CRYBG3: variants seen among roughly 807,000 people sequenced by gnomAD.
CRYBG3 encodes the protein very large A-kinase anchor protein.
CRYBG3 carries 127 observed loss-of-function variants against 244.2 expected under a neutral mutation model. The ratio of observed to expected loss-of-function variants is 0.52; its 90% CI spans 0.45 to 0.60. The LOEUF is 0.60. CRYBG3 is among the 20% of genes least tolerant of loss of function. The probability of loss-of-function intolerance (pLI) is 0.00; values close to 1 mark genes in which losing one functional copy is unlikely to be tolerated. For synonymous variants in CRYBG3, 1,132 were observed against 1,195.8 expected (o/e 0.95, Z 1.10); for missense variants, 3,325 against 3,442.5 (o/e 0.97, Z 0.85).
chr3:97,868,855 C>CT (rs1481228967), intron 3 of CRYBG3, among the ~76,000 whole-genome samples: 9 of 152,118 alleles, frequency 5.9e-5, no homozygotes. Context: ...ATTTACTATA[C>CT]TAGAATGAAT....
In CRYBG3 at chr3:97,876,464, C is replaced by G; in HGVS notation, c.5270C>G (p.Pro1757Arg). 2.4e-6 allele frequency: 3 copies of G among 1,231,864 alleles called. No individual in the cohort carries two copies. The highest frequency in any genetic ancestry group is 3.1e-4 in the Middle Eastern group (1 of 3,208). The allele number at this position is 1,231,864 out of a possible 1,614,324, so 76.3% of individuals were successfully genotyped here. A position where few individuals can be genotyped will look rare whatever the true frequency, so the allele number is the denominator to read the frequency against. ...ERDGGKTEVM[P>R]LALEVVNTYQ... Reference sequence around the variant, plus strand: ...GACGGTGGCAAAACTGAGGTGATGCCCCTTGCATTAGAGGTAGTAAATACT... The same window carrying G: ...GACGGTGGCAAAACTGAGGTGATGCGCCTTGCATTAGAGGTAGTAAATACT... Residue 1757 changes from proline to arginine, a missense_variant, in exon 4 of 22, where the codon CCC (proline) becomes CGC (arginine). By Grantham distance (103) the Pro-to-Arg change is moderately radical. Coordinates refer to ENST00000389622, the MANE Select transcript of CRYBG3 (RefSeq NM_153605.4).
At chr3:97,841,189 T>C (rs1002346109) in intron 1 of CRYBG3, among the ~76,000 whole-genome samples, 2 of 150,334 alleles carry the variant, frequency 1.3e-5, no homozygotes, top group African/African-American at 4.9e-5. Flanking sequence ...AGCTCATATA[T>C]GTGTGTATAT....
chr3:97,914,299 G>C (rs899126362), intron 16 of CRYBG3, among the ~76,000 whole-genome samples: 1 of 152,050 alleles, frequency 6.6e-6, no homozygotes, highest in Non-Finnish European at 1.5e-5. Context: ...AAATAATTTT[G>C]TTACTATTAT....
intron 3 of CRYBG3, among the ~76,000 whole-genome samples, chr3:97,865,242 A>G (rs953625110): frequency 5.9e-5 from 9 of 152,164 alleles, no homozygotes; most frequent in Admixed American, 4.6e-4. Flanking sequence ...TGTTTATAAC[A>G]TTGTTGAGTC....
In CRYBG3 at chr3:97,864,501, CA is replaced by C; in HGVS notation, c.505del (p.Arg169GlyfsTer10). On this transcript the variant is annotated frameshift_variant, in exon 3 of 22. Transcript: ENST00000389622. LOFTEE classifies it high-confidence loss of function. ...NPSDHHEDGI[K>X]REREIFSGSL... is the part of the protein sequence containing the mutation. ...CCAGTGACCATCATGAAGACGGGAT[CA>C]AAAGGGAGAGAGAGATTTTCAGTGG... 10 of 1,535,862 alleles carry C rather than the reference CA, an allele frequency of 6.5e-6. No individual in the cohort carries two copies. Among genetic ancestry groups the C allele is most frequent in the Non-Finnish European group, 8.7e-6 (10 of 1,146,796 alleles).
chr3:97,843,148 G>A lies in CRYBG3; in HGVS notation c.150-47G>A, dbSNP rs779865272. ...TTAAATACAGAAAACTTTTAGTTTC[G>A]TAATTTTCTTTTAATTTCAAAAGAA... On this transcript the variant is annotated intron_variant, in intron 1 of 21. Coordinates refer to ENST00000389622, the MANE Select transcript of CRYBG3 (RefSeq NM_153605.4). 144 of 1,267,180 alleles carry A rather than the reference G, an allele frequency of 1.1e-4. 2 individuals carry two copies. In the South Asian group the frequency reaches 1.3e-3, roughly 12 times the overall value. 78.5% of individuals were successfully genotyped at this position (1,267,180 alleles called of 1,614,324 possible).
At chr3:97,833,433 A>T (rs567290323) in intron 1 of CRYBG3, among the ~76,000 whole-genome samples, 31 of 152,276 alleles carry the variant, frequency 2.0e-4, no homozygotes, top group South Asian at 1.0e-3. Context: ...GAAGCTAGAA[A>T]CCATCATTCT....
intron 17 of CRYBG3, among the ~76,000 whole-genome samples, chr3:97,926,216 C>T (rs971983530): frequency 2.0e-5 from 3 of 152,002 alleles, no homozygotes; most frequent in African/African-American, 7.2e-5. Context: ...AAAAGTTAAT[C>T]CACCACAATC....
intron 18 of CRYBG3, among the ~76,000 whole-genome samples, 180 bp from the exon 19 acceptor site, chr3:97,936,605 A>C (rs1160988374): frequency 6.6e-6 from 1 of 152,092 alleles, no homozygotes; most frequent in African/African-American, 2.4e-5. Flanking sequence ...AAATCTTCTG[A>C]GTCTAGGCCA....
chr3:97,941,255 T>A lies in CRYBG3; in HGVS notation c.8613T>A (p.Ser2871Arg), dbSNP rs1432065515. Reference sequence around the variant, plus strand: ...CATCTGTGTGCATTTCTCCCTATAGTGGAAAGAATACTCAGATCTGGTACT... The same window carrying A: ...CATCTGTGTGCATTTCTCCCTATAGAGGAAAGAATACTCAGATCTGGTACT... ...RATSVCISPY[S>R]GKNTQIWYYC... The change falls in exon 20 of 22, where the codon AGT (serine) becomes AGA (arginine). Residue 2871 changes from serine (S) to arginine (R), a missense_variant. Coordinates refer to ENST00000389622, the MANE Select transcript of CRYBG3 (RefSeq NM_153605.4). 1.9e-6 allele frequency: 3 copies of A among 1,611,132 alleles called. No homozygotes were observed. Among genetic ancestry groups the A allele is most frequent in the Non-Finnish European group, 2.5e-6 (3 of 1,178,006 alleles).
At chr3:97,899,854 A>G (rs1373210431) in intron 14 of CRYBG3, among the ~76,000 whole-genome samples, 1 of 152,194 alleles carries the variant, frequency 6.6e-6, no homozygotes, top group Non-Finnish European at 1.5e-5. Context: ...ACCCTGTAGA[A>G]CAATAAGAGT....
chr3:97,834,821 CACTT>C (rs1294557865), intron 1 of CRYBG3, among the ~76,000 whole-genome samples: 4 of 152,096 alleles, frequency 2.6e-5, no homozygotes, highest in Admixed American at 2.0e-4. Flanking sequence ...TTTTTGCACT[CACTT>C]GTTTTTGCTT....
chr3:97,874,791 G>T lies in CRYBG3; in HGVS notation c.3597G>T (p.Lys1199Asn). Residue 1199 changes from lysine to asparagine, a missense_variant, in exon 4 of 22, where the codon AAG (lysine) becomes AAT (asparagine). By Grantham distance (94) the Lys-to-Asn change is moderately conservative (BLOSUM62 0). Around this residue, in one of 4 missense-constraint regions of CRYBG3, gnomAD observed 1,526 missense variants for 1,443.2 expected, o/e 1.06. Coordinates refer to ENST00000389622, the MANE Select transcript of CRYBG3 (RefSeq NM_153605.4). ...ACCTCAAAAGTAGTTTACTCAAAAAGGCCGATACATTGATTGGTGAGATTT... is the reference window on the plus strand; with the variant it reads ...ACCTCAAAAGTAGTTTACTCAAAAATGCCGATACATTGATTGGTGAGATTT... ...LLDLKSSLLKKADTLIGEIFN... is the reference protein window; with the variant it reads ...LLDLKSSLLKNADTLIGEIFN... The T allele has an allele frequency of 6.5e-7, 1 of 1,536,024 alleles. No homozygotes were observed. Among genetic ancestry groups the T allele is most frequent in the Non-Finnish European group, 8.7e-7 (1 of 1,146,884 alleles).
At chr3:97,942,520 G>A (rs1272273923) in intron 21 of CRYBG3, 77 bp downstream of exon 21, 30 of 1,308,750 alleles carry the variant, frequency 2.3e-5, no homozygotes. Context: ...TTGGGTAAAG[G>A]ACATCCTTAT....
intron 2 of CRYBG3, among the ~76,000 whole-genome samples, chr3:97,854,449 G>A (rs955572755): frequency 1.6e-4 from 25 of 151,870 alleles, no homozygotes; most frequent in Non-Finnish European, 7.4e-5. Context: ...CAGTATGGTC[G>A]TTTTCACAAT....
intron 1 of CRYBG3, among the ~76,000 whole-genome samples, chr3:97,826,443 A>G (rs530699732): frequency 1.3e-5 from 2 of 152,360 alleles, no homozygotes; most frequent in South Asian, 4.1e-4. Context: ...ATATGTAAAA[A>G]GGGTAATAGC....
At position 97,904,670 on chromosome 3, in the gene CRYBG3, A is replaced by C. The variant is rs561257091; in HGVS notation, c.8004+4185A>C. Among the ~76,000 whole-genome samples, 13 of 147,048 alleles carry C rather than the reference A, an allele frequency of 8.8e-5. No homozygotes were observed. In the South Asian group the frequency reaches 2.8e-3, roughly 32 times the overall value. On this transcript the variant is annotated intron_variant, in intron 15 of 21. Coordinates refer to ENST00000389622, the MANE Select transcript of CRYBG3 (RefSeq NM_153605.4). Reference sequence around the variant, plus strand: ...CTCATGCGGCTTTTCTTTTATTTTTATTTTTTTTATTTTTTATTTTTTTAT... The same window carrying C: ...CTCATGCGGCTTTTCTTTTATTTTTCTTTTTTTTATTTTTTATTTTTTTAT...
intron 2 of CRYBG3, among the ~76,000 whole-genome samples, chr3:97,852,829 A>G (rs564235191): frequency 6.6e-6 from 1 of 152,132 alleles, no homozygotes; most frequent in South Asian, 2.1e-4. Flanking sequence ...CTACATACTC[A>G]CCAGCATTTG....
chr3:97,876,476 AGG>A lies in CRYBG3; in HGVS notation c.5283_5284del (p.Glu1761AspfsTer17). On this transcript the variant is annotated frameshift_variant, in exon 4 of 22. Coordinates refer to ENST00000389622, the MANE Select transcript of CRYBG3 (RefSeq NM_153605.4). LOFTEE classifies it high-confidence loss of function. ...ACTGAGGTGATGCCCCTTGCATTAG[AGG>A]TAGTAAATACTTACCAAAAAAATGC... 8.1e-7 allele frequency: 1 copy of A among 1,232,124 alleles called. No homozygotes were observed. The highest frequency in any genetic ancestry group is 1.0e-6 in the Non-Finnish European group (1 of 987,948). 76.3% of individuals were successfully genotyped at this position (1,232,124 alleles called of 1,614,324 possible). A position where few individuals can be genotyped will look rare whatever the true frequency, so the allele number is the denominator to read the frequency against.
Sources: gnomAD v4.1 joint callset for allele counts (sites outside exome capture counted in the v4.1 genomes callset) on GRCh38, gnomAD v4.1.1 for gene constraint, gnomAD v4.1.1 regional missense constraint, MANE v1.5 for transcripts, NCBI Gene and HGNC (gene_info 2026-07-23, HGNC 2026-07-21) for gene names.